CUL1: variants seen among roughly 807,000 people sequenced by gnomAD.
CUL1 encodes cullin-1.
A neutral mutation model predicts 118.0 loss-of-function variants in CUL1; 24 were observed. The observed-to-expected ratio is 0.20, with a 90% CI of 0.15 to 0.29. CUL1 has a LOEUF of 0.29. CUL1 is among the 10% of genes least tolerant of loss of function. CUL1 has a pLI of 1.00. For missense variants in CUL1, 361 were observed against 933.8 expected, an observed-to-expected ratio of 0.39 and a Z score of 7.99; for synonymous variants, 332 against 340.4, an observed-to-expected ratio of 0.98 and a Z score of 0.27.
rs1417427499 is a variant in CUL1 at position 148,792,717 on chromosome 7, G to A, written c.1807-9G>A. The A allele has an allele frequency of 3.1e-6, 5 of 1,603,724 alleles. No homozygotes were observed. Among genetic ancestry groups the A allele is most frequent in the Admixed American group, 3.4e-5 (2 of 58,872 alleles). ...TCCTTCTTTTTCTTTTATATGGGGGGCCGCAAAGGCGTCGACATTCCAGAT... is the reference window on the plus strand; with the variant it reads ...TCCTTCTTTTTCTTTTATATGGGGGACCGCAAAGGCGTCGACATTCCAGAT... On this transcript the variant is annotated splice_polypyrimidine_tract_variant and intron_variant, in intron 16 of 21. Transcript: ENST00000325222.
At chr7:148,759,666 A>G (rs200374941) in intron 6 of CUL1, 28 bp downstream of exon 6, 15 of 1,304,516 alleles carry the variant, frequency 1.1e-5, no homozygotes, top group East Asian at 2.4e-5. Flanking sequence ...AGTTTATTCA[A>G]AGTTTTCACA....
At chr7:148,727,049 C>G (rs982519070) in intron 1 of CUL1, among the ~76,000 whole-genome samples, 3 of 152,052 alleles carry the variant, frequency 2.0e-5, no homozygotes, top group African/African-American at 2.4e-5. Context: ...TATTCCGTCA[C>G]TGTAGCATTA....
chr7:148,725,083 G>A (rs918993811), intron 1 of CUL1, among the ~76,000 whole-genome samples: 1 of 152,058 alleles, frequency 6.6e-6, no homozygotes, highest in African/African-American at 2.4e-5. Context: ...TGTTTTGTGG[G>A]CACCTGTATT....
intron 1 of CUL1, among the ~76,000 whole-genome samples, chr7:148,725,685 T>C (rs907211949): frequency 1.3e-5 from 2 of 152,232 alleles, no homozygotes; most frequent in African/African-American, 4.8e-5. Flanking sequence ...CTGCCCAGCA[T>C]GTGTGTGACC....
At chr7:148,731,223 T>C (rs1463313487) in intron 2 of CUL1, among the ~76,000 whole-genome samples, 1 of 152,152 alleles carries the variant, frequency 6.6e-6, no homozygotes, top group African/African-American at 2.4e-5. Flanking sequence ...AAATATGACA[T>C]TGAAATTAGA....
chr7:148,742,733 C>G (rs1799186676), intron 2 of CUL1, among the ~76,000 whole-genome samples: 1 of 151,644 alleles, frequency 6.6e-6, no homozygotes, highest in Admixed American at 6.6e-5. Context: ...TCCTGAGTAG[C>G]TGGAATTACA....
At chr7:148,772,584 A>G (rs1800250830) in intron 9 of CUL1, among the ~76,000 whole-genome samples, 1 of 152,194 alleles carries the variant, frequency 6.6e-6, no homozygotes, top group South Asian at 2.1e-4. Context: ...TTCTTTAGCA[A>G]GCATTTAGGG....
At chr7:148,705,095 C>T (rs1156468825) in intron 1 of CUL1, among the ~76,000 whole-genome samples, 6 of 152,126 alleles carry the variant, frequency 3.9e-5, no homozygotes, top group African/African-American at 1.4e-4. Flanking sequence ...CATTTATTTC[C>T]CCATATCTTA....
At chr7:148,792,870 C>T (rs182494073) in intron 17 of CUL1, 52 bp downstream of exon 17, 28 of 1,309,190 alleles carry the variant, frequency 2.1e-5, no homozygotes, top group African/African-American at 2.9e-5. Context: ...TCCTTGTTCT[C>T]GTGGATATTG....
At chr7:148,721,155 T>C (rs569402298) in intron 1 of CUL1, among the ~76,000 whole-genome samples, 9 of 152,330 alleles carry the variant, frequency 5.9e-5, no homozygotes, top group African/African-American at 2.2e-4. Flanking sequence ...TGTTTTCTTA[T>C]GTATGTAGCA....
intron 17 of CUL1, among the ~76,000 whole-genome samples, chr7:148,793,068 G>A (rs565619234): frequency 6.6e-5 from 10 of 152,318 alleles, no homozygotes; most frequent in African/African-American, 2.4e-4. Context: ...GCTGGGGCGG[G>A]AGGATCACTT....
Position 148,787,066 on chromosome 7 carries a change from C to T in CUL1, c.1425C>T (p.Val475=). 6.2e-7 allele frequency: 1 copy of T among 1,613,780 alleles called. No homozygotes were observed. The highest frequency in any genetic ancestry group is 1.1e-5 in the South Asian group (1 of 91,062). ...CGAAGATGCTCGCCAAGAGGCTCGT[C>T]CACCAGAACAGTGCAAGTGACGATG... ...FYAKMLAKRL[V]HQNSASDDAE... Residue 475 remains valine, a synonymous_variant, in exon 13 of 22, where the codon GTC becomes GTT. Coordinates refer to ENST00000325222, the MANE Select transcript of CUL1 (RefSeq NM_003592.3). The surrounding 1 kb of genome is among the most constrained non-coding windows in gnomAD (Gnocchi z 5.5).
At chr7:148,756,935 T>C in intron 3 of CUL1, 48 bp from the exon 4 acceptor site, 1 of 1,340,092 alleles carries the variant, frequency 7.5e-7, no homozygotes, top group African/African-American at 1.5e-5. Flanking sequence ...TTTTAATTTA[T>C]AATGTGACAA....
intron 1 of CUL1, among the ~76,000 whole-genome samples, chr7:148,728,092 G>A (rs1798644533): frequency 6.6e-6 from 1 of 152,150 alleles, no homozygotes; most frequent in South Asian, 2.1e-4. Flanking sequence ...AGAGGAGGAA[G>A]TGGAGATGAG....
chr7:148,780,488 G>A (rs1005024941), intron 9 of CUL1, among the ~76,000 whole-genome samples: 3 of 152,278 alleles, frequency 2.0e-5, no homozygotes, highest in African/African-American at 7.2e-5. Flanking sequence ...AGTCCTGGGT[G>A]CCTGGCTCGA....
intron 17 of CUL1, among the ~76,000 whole-genome samples, chr7:148,797,021 C>G (rs1449082505): frequency 6.6e-6 from 1 of 152,068 alleles, no homozygotes; most frequent in Non-Finnish European, 1.5e-5. Context: ...TCAGGCTGGT[C>G]CCTTGGATTT....
At chr7:148,795,454 G>T (rs1314545508) in intron 17 of CUL1, among the ~76,000 whole-genome samples, 1 of 151,842 alleles carries the variant, frequency 6.6e-6, no homozygotes, top group Admixed American at 6.6e-5. Flanking sequence ...CTGATTGCTC[G>T]TTGCTAATGT....
intron 1 of CUL1, among the ~76,000 whole-genome samples, chr7:148,721,272 A>G (rs1241175889): frequency 6.6e-6 from 1 of 152,230 alleles, no homozygotes; most frequent in Non-Finnish European, 1.5e-5. Context: ...TATTTCCAGT[A>G]CTGTGGAAGC....
At chr7:148,778,517 A>G (rs1451002354) in intron 9 of CUL1, among the ~76,000 whole-genome samples, 1 of 152,178 alleles carries the variant, frequency 6.6e-6, no homozygotes, top group Non-Finnish European at 1.5e-5. Flanking sequence ...ATGTTACTTG[A>G]AGACCAAGTG....
Sources: allele counts gnomAD v4.1 joint callset (sites outside exome capture counted in the v4.1 genomes callset), GRCh38; gene constraint gnomAD v4.1.1; non-coding constraint Gnocchi (gnomAD v3.1); transcripts MANE v1.5; gene names NCBI Gene and HGNC (gene_info 2026-07-23, HGNC 2026-07-21).